PDGFD: variants seen among roughly 807,000 people sequenced by gnomAD.
PDGFD encodes the protein platelet-derived growth factor D.
A neutral mutation model predicts 44.7 loss-of-function variants in PDGFD; 30 were observed. The ratio of observed to expected loss-of-function variants is 0.67; its 90% CI spans 0.50 to 0.91. PDGFD has a LOEUF of 0.91. Ranked by LOEUF, PDGFD falls within the 40% of genes least tolerant of loss-of-function variation. PDGFD has a pLI of 0.00. For synonymous variants in PDGFD, 173 were observed against 168.4 expected (o/e 1.03, Z -0.21); for missense variants, 445 against 457.8 (o/e 0.97, Z 0.25).
At chr11:103,974,072 G>A (rs1314302629) in intron 3 of PDGFD, among the ~76,000 whole-genome samples, 1 of 152,090 alleles carries the variant, frequency 6.6e-6, no homozygotes, top group African/African-American at 2.4e-5. Flanking sequence ...TTACTGTGTA[G>A]AAAAGAAATT....
intron 3 of PDGFD, among the ~76,000 whole-genome samples, chr11:103,965,103 T>C (rs1278303131): frequency 1.3e-5 from 2 of 152,022 alleles, no homozygotes; most frequent in Non-Finnish European, 2.9e-5. Flanking sequence ...AGGAAAACTT[T>C]TTATTTTATG....
intron 6 of PDGFD, among the ~76,000 whole-genome samples, chr11:103,911,836 C>A (rs1858032961): frequency 6.6e-6 from 1 of 151,730 alleles, no homozygotes; most frequent in African/African-American, 2.4e-5. Context: ...GAAGCATACA[C>A]AAGCTTCAAT....
intron 1 of PDGFD, among the ~76,000 whole-genome samples, chr11:104,026,239 T>G (rs1052644460): frequency 2.6e-5 from 4 of 152,324 alleles, no homozygotes; most frequent in Non-Finnish European, 4.4e-5. Context: ...TCCTAATCCA[T>G]GCCTTCTGGA....
intron 1 of PDGFD, among the ~76,000 whole-genome samples, chr11:104,096,088 T>G (rs1861283100): frequency 6.6e-6 from 1 of 152,214 alleles, no homozygotes; most frequent in South Asian, 2.1e-4. Flanking sequence ...GAATCTCCTG[T>G]TATTATTACA....
chr11:104,035,238 A>G (rs1335877580), intron 1 of PDGFD, among the ~76,000 whole-genome samples: 1 of 152,084 alleles, frequency 6.6e-6, no homozygotes, highest in East Asian at 1.9e-4. Context: ...CATCTACCCT[A>G]TATCCCATTT....
At chr11:104,116,517 CT>C (rs1861640302) in intron 1 of PDGFD, among the ~76,000 whole-genome samples, 1 of 151,042 alleles carries the variant, frequency 6.6e-6, no homozygotes, top group Admixed American at 6.6e-5. Context: ...AGAGGAAATC[CT>C]CCCTAAGTCA....
chr11:104,009,446 T>TTATTA (rs1859750959), intron 1 of PDGFD, among the ~76,000 whole-genome samples: 1 of 151,400 alleles, frequency 6.6e-6, no homozygotes, highest in Non-Finnish European at 1.5e-5. Context: ...ATTATTATTA[T>TTATTA]TATTATTATC....
intron 5 of PDGFD, among the ~76,000 whole-genome samples, chr11:103,931,990 T>A (rs1191914587): frequency 6.6e-6 from 1 of 152,160 alleles, no homozygotes; most frequent in Non-Finnish European, 1.5e-5. Flanking sequence ...CTGTTTTGCT[T>A]TCTCTGGCAT....
At chr11:104,026,448 A>T (rs924960088) in intron 1 of PDGFD, among the ~76,000 whole-genome samples, 1 of 152,258 alleles carries the variant, frequency 6.6e-6, no homozygotes, top group Non-Finnish European at 1.5e-5. Context: ...AATATGACAT[A>T]TAGTTTATAA....
intron 1 of PDGFD, among the ~76,000 whole-genome samples, chr11:104,095,038 C>T (rs956544373): frequency 1.3e-5 from 2 of 151,936 alleles, no homozygotes; most frequent in African/African-American, 2.4e-5. Context: ...CTTTTTTTTC[C>T]TGGTAGGTGC....
chr11:103,974,298 A>T (rs1015345712), intron 3 of PDGFD, among the ~76,000 whole-genome samples: 3 of 152,072 alleles, frequency 2.0e-5, no homozygotes, highest in Admixed American at 6.6e-5. Flanking sequence ...ATGGGGACTA[A>T]CATTGGTGGA....
intron 1 of PDGFD, among the ~76,000 whole-genome samples, chr11:104,050,086 G>A (rs1025005450): frequency 3.3e-5 from 5 of 152,164 alleles, no homozygotes; most frequent in Admixed American, 6.5e-5. Flanking sequence ...TGGGTTATAC[G>A]TTATATGTCC....
intron 3 of PDGFD, among the ~76,000 whole-genome samples, chr11:103,978,913 G>T (rs1173278235): frequency 6.6e-6 from 1 of 151,932 alleles, no homozygotes; most frequent in Non-Finnish European, 1.5e-5. Context: ...TCAGAGAAGG[G>T]GATGAATCCT....
chr11:104,118,853 T>TG (rs1422207068), intron 1 of PDGFD, among the ~76,000 whole-genome samples: 1 of 29,758 alleles, frequency 3.4e-5, no homozygotes, highest in Non-Finnish European at 6.8e-5. Flanking sequence ...ATATTATATA[T>TG]TATAATATAT....
chr11:104,135,949 C>G (rs1861997613), intron 1 of PDGFD, among the ~76,000 whole-genome samples: 1 of 152,096 alleles, frequency 6.6e-6, no homozygotes, highest in African/African-American at 2.4e-5. Flanking sequence ...GAAGTGGAAC[C>G]ATTAACTCTC....
rs561236879 is a variant in PDGFD at position 104,033,794 on chromosome 11, T to G, written c.125-33539A>C. The stretch of plus-strand genomic sequence containing the variant: ...TCAATCTGTTCTTTAGCAGAGTAGT[T>G]TGCATGTGACATCTCACATGATAAT... On this transcript the variant is annotated intron_variant, in intron 1 of 6. Transcript: ENST00000393158. 3.3e-4 allele frequency among the ~76,000 whole-genome samples: 50 copies of G among 152,314 alleles called. No homozygotes were observed. In the South Asian group the frequency reaches 9.3e-3, roughly 28 times the overall value.
intron 3 of PDGFD, among the ~76,000 whole-genome samples, chr11:103,960,057 T>C (rs1283816789): frequency 6.6e-6 from 1 of 152,212 alleles, no homozygotes; most frequent in African/African-American, 2.4e-5. Context: ...CACTAGGCTT[T>C]GCACAGCAAA....
At chr11:104,111,417 C>A (rs1861555758) in intron 1 of PDGFD, among the ~76,000 whole-genome samples, 1 of 151,964 alleles carries the variant, frequency 6.6e-6, no homozygotes, top group Admixed American at 6.6e-5. Flanking sequence ...TGCATGCCAC[C>A]ATGCCTAGGT....
chr11:104,141,139 T>C (rs12226274), intron 1 of PDGFD, among the ~76,000 whole-genome samples: 19,793 of 152,136 alleles, frequency 0.13, 1,423 homozygotes, highest in East Asian at 0.29. Flanking sequence ...TGCCTTACAT[T>C]TCTGTTTAGC....
Sources: gnomAD v4.1 joint callset for allele counts (sites outside exome capture counted in the v4.1 genomes callset) on GRCh38, gnomAD v4.1.1 for gene constraint, MANE v1.5 for transcripts, NCBI Gene and HGNC (gene_info 2026-07-23, HGNC 2026-07-21) for gene names.